The following PDGFRB variants were observed in gnomAD, a reference collection of about 807,000 sequenced individuals.
PDGFRB encodes platelet derived growth factor receptor beta.
Under a neutral mutation model 120.2 loss-of-function variants are expected in PDGFRB, and 42 were observed. The observed-to-expected ratio is 0.35, with a 90% CI of 0.27 to 0.45. The LOEUF (loss-of-function observed/expected upper bound fraction) is 0.45, where lower values mean the gene tolerates loss of function less well. Among genes scored for constraint, PDGFRB ranks in the 20% least tolerant of loss-of-function variants. PDGFRB has a pLI of 1.00. For synonymous variants in PDGFRB, 586 were observed against 606.8 expected, an observed-to-expected ratio of 0.97 and a Z score of 0.50; for missense variants, 1,149 against 1,476.3, an observed-to-expected ratio of 0.78 and a Z score of 3.63.
At chr5:150,143,380 G>A (rs1055652514) in intron 1 of PDGFRB, among the ~76,000 whole-genome samples, 7 of 152,160 alleles carry the variant, frequency 4.6e-5, no homozygotes, top group African/African-American at 1.7e-4. Flanking sequence ...AGCACTTTCA[G>A]GGCTGACATG....
In PDGFRB at chr5:150,121,329, GA is replaced by G; in HGVS notation, c.2345-8del. 1 of 1,288,776 alleles carries G rather than the reference GA, an allele frequency of 7.8e-7. No homozygotes were observed. Among genetic ancestry groups the G allele is most frequent in the Non-Finnish European group, 1.1e-6 (1 of 882,658 alleles). 79.8% of individuals were successfully genotyped at this position (1,288,776 alleles called of 1,614,324 possible). A position where few individuals can be genotyped will look rare whatever the true frequency, so the allele number is the denominator to read the frequency against. Reference sequence around the variant, plus strand: ...CGGCAGGTCCTCTCAGGGGCTAGAGGAGAAGCAGAGGGTCACCTGCTATCTT... The same window carrying G: ...CGGCAGGTCCTCTCAGGGGCTAGAGGGAAGCAGAGGGTCACCTGCTATCTT... On this transcript the variant is annotated splice_region_variant and splice_polypyrimidine_tract_variant and intron_variant, in intron 16 of 22. Transcript: ENST00000261799. The surrounding 1 kb of genome is among the most constrained non-coding windows in gnomAD (Gnocchi z 4.1).
chr5:150,150,878 T>C (rs762614496), intron 1 of PDGFRB, among the ~76,000 whole-genome samples: 1 of 152,102 alleles, frequency 6.6e-6, no homozygotes, highest in Non-Finnish European at 1.5e-5. Flanking sequence ...AACGCAGCAC[T>C]GGAAGAGACC....
chr5:150,122,942 C>A, intron 15 of PDGFRB, 100 bp downstream of exon 15: 1 of 1,052,846 alleles, frequency 9.5e-7, no homozygotes, highest in Non-Finnish European at 1.4e-6. Context: ...TGTCCCCTGC[C>A]CTGTCACAGC....
chr5:150,144,213 T>C (rs10066011), intron 1 of PDGFRB, among the ~76,000 whole-genome samples: 19,259 of 152,054 alleles, frequency 0.13, 1,367 homozygotes, highest in East Asian at 0.27. Flanking sequence ...CTCCACCTGT[T>C]CTCACACCCC....
Position 150,117,792 on chromosome 5 carries a change from G to A in PDGFRB, c.2963C>T (p.Ser988Phe), listed in dbSNP as rs2113884213. Residue 988 changes from serine (S) to phenylalanine (F), a missense_variant, in exon 22 of 23, where the codon TCC (serine) becomes TTC (phenylalanine). Ser to Phe is a radical substitution (Grantham distance 155). Coordinates refer to ENST00000261799, the MANE Select transcript of PDGFRB (RefSeq NM_002609.4). ...ATGGAACCCAGGCAAGCGGGCCTGG[G>A]ACCGAAGGATGGCTGGGTGGTCACT... ...LRSDHPAILR[S>F]QARLPGFHGL... 1 of 1,613,916 alleles carries A rather than the reference G, an allele frequency of 6.2e-7. No individual in the cohort carries two copies.
intron 1 of PDGFRB, among the ~76,000 whole-genome samples, chr5:150,151,429 G>A (rs556274148): frequency 1.3e-3 from 191 of 152,278 alleles, no homozygotes; most frequent in African/African-American, 4.3e-3. Flanking sequence ...GGATCCCCAG[G>A]GGCATCCCAG....
In PDGFRB at chr5:150,129,821, C is replaced by T. The variant is rs756863213; in HGVS notation, c.1515G>A (p.Ser505=). The change falls in exon 10 of 23, where the codon TCG becomes TCA. Residue 505 remains serine, a synonymous_variant. Coordinates refer to ENST00000261799, the MANE Select transcript of PDGFRB (RefSeq NM_002609.4). Reference sequence around the variant, plus strand: ...CAGCGTTGCGCAGCGTGCAGCGCACCGACAGTGGCCGATCCACGTGCTGCA... The same window carrying T: ...CAGCGTTGCGCAGCGTGCAGCGCACTGACAGTGGCCGATCCACGTGCTGCA... ...LRLQHVDRPL[S]VRCTLRNAVG... is the part of the protein sequence containing the mutation. 21 of 1,613,960 alleles carry T rather than the reference C, an allele frequency of 1.3e-5. No homozygotes were observed. Among genetic ancestry groups the T allele is most frequent in the African/African-American group, 9.3e-5 (7 of 74,952 alleles).
Position 150,137,036 on chromosome 5 carries a change from C to T in PDGFRB, c.12G>A (p.Pro4=), listed in dbSNP as rs138641101. Residue 4 remains proline (P), a synonymous_variant, in exon 2 of 23, where the codon CCG becomes CCA. Transcript: ENST00000261799. The part of the protein sequence containing the change: MRL[P]GAMPALALKG... ...TGAGGGCCAGAGCTGGCATCGCACC[C>T]GGAAGCCGCATGGTGTCCTGCAGAG... 379 of 1,613,670 alleles carry T rather than the reference C, an allele frequency of 2.3e-4. 1 individual carries two copies. In the African/African-American group the frequency reaches 4.4e-3, roughly 19 times the overall value.
chr5:150,151,861 C>CAA lies in PDGFRB; in HGVS notation c.-7+3534_-7+3535dup, dbSNP rs57873398. On this transcript the variant is annotated intron_variant, in intron 1 of 22. Transcript: ENST00000261799. ...TGGGCAACAGAGTGAGACTCCATCT[C>CAA]AAAAAAAAAAAAAAAAAAAAGTGGG... Among the ~76,000 whole-genome samples the CAA allele has an allele frequency of 4.0e-3, 301 of 74,338 alleles. 2 individuals are homozygous for CAA. The highest frequency in any genetic ancestry group is 0.011 in the African/African-American group (275 of 24,662). The allele number at this position is 74,338 out of a possible 152,430, so 48.8% of individuals were successfully genotyped here.
intron 1 of PDGFRB, among the ~76,000 whole-genome samples, chr5:150,138,554 C>T (rs1760699384): frequency 6.6e-6 from 1 of 152,218 alleles, no homozygotes; most frequent in Non-Finnish European, 1.5e-5. Context: ...AGCTCTTCTC[C>T]TCCCTCCTCC....
In PDGFRB at chr5:150,133,678, G is replaced by A. The variant is rs776497082; in HGVS notation, c.842C>T (p.Ala281Val). The change falls in exon 6 of 23, where the codon GCC becomes GTC. Residue 281 changes from alanine to valine, a missense_variant. By Grantham distance (64) the Ala-to-Val change is moderately conservative. Transcript: ENST00000261799. ...HIRSILHIPS[A>V]ELEDSGTYTC... ...GTAGGTCCCCGAGTCTTCTAACTCGGCACTGGGGATGTGCAGGATGGAGCG... is the reference window on the plus strand; with the variant it reads ...GTAGGTCCCCGAGTCTTCTAACTCGACACTGGGGATGTGCAGGATGGAGCG... 6.2e-7 allele frequency: 1 copy of A among 1,613,602 alleles called. No individual in the cohort carries two copies. The highest frequency in any genetic ancestry group is 8.5e-7 in the Non-Finnish European group (1 of 1,179,738).
intron 1 of PDGFRB, among the ~76,000 whole-genome samples, chr5:150,153,221 C>T (rs760217027): frequency 3.3e-5 from 5 of 152,194 alleles, no homozygotes; most frequent in Admixed American, 6.5e-5. Context: ...CTCTTCTTCC[C>T]GCAGAGGAGG....
At chr5:150,133,788 C>A (rs1411759499) in intron 5 of PDGFRB, 28 bp from the exon 6 acceptor site, 3 of 1,612,712 alleles carry the variant, frequency 1.9e-6, no homozygotes, top group Admixed American at 3.3e-5. Context: ...GCAGGCCCCC[C>A]AAATCAGGAG....
intron 4 of PDGFRB, among the ~76,000 whole-genome samples, chr5:150,134,381 G>T (rs1305145306): frequency 6.6e-6 from 1 of 152,180 alleles, no homozygotes; most frequent in East Asian, 1.9e-4. Flanking sequence ...GGCAGCCATT[G>T]TTATCCCCAC....
intron 22 of PDGFRB, 76 bp downstream of exon 22, chr5:150,117,542 G>GTGCGCA (rs1554107288): frequency 2.2e-6 from 1 of 461,974 alleles, no homozygotes; most frequent in South Asian, 2.9e-5. Context: ...GCGCGCGCGC[G>GTGCGCA]CGCACACACA....
intron 22 of PDGFRB, 78 bp from the exon 23 acceptor site, chr5:150,116,024 G>T: frequency 1.5e-6 from 2 of 1,311,296 alleles, no homozygotes; most frequent in Non-Finnish European, 2.1e-6. Flanking sequence ...AGAGCCTTCG[G>T]TGTGTCCACC....
rs747341080 is a variant in PDGFRB at position 150,120,185 on chromosome 5, G to A, written c.2587-62C>T. On this transcript the variant is annotated intron_variant, in intron 18 of 22. Coordinates refer to ENST00000261799, the MANE Select transcript of PDGFRB (RefSeq NM_002609.4). This position sits in a 1 kb window ranked among gnomAD's most constrained non-coding sequence, Gnocchi z 4.3. ...AGGACCTCAGCCCCACTCTGCACCT[G>A]GGATGGGAGGAGGGTATCTGGCAGC... is the stretch of plus-strand genomic sequence containing the variant. 4 of 782,878 alleles carry A rather than the reference G, an allele frequency of 5.1e-6. No homozygotes were observed. The highest frequency in any genetic ancestry group is 9.4e-6 in the Non-Finnish European group (4 of 426,140). The allele number at this position is 782,878 out of a possible 1,614,324, so 48.5% of individuals were successfully genotyped here. A position where few individuals can be genotyped will look rare whatever the true frequency, so the allele number is the denominator to read the frequency against.
intron 1 of PDGFRB, among the ~76,000 whole-genome samples, chr5:150,142,415 G>A (rs1441172838): frequency 1.3e-5 from 2 of 152,234 alleles, no homozygotes; most frequent in African/African-American, 4.8e-5. Context: ...AGCCCAGCCA[G>A]GCAGGGATTG....
At position 150,135,480 on chromosome 5, in the gene PDGFRB, ACT is replaced by A. The variant is rs566739771; in HGVS notation, c.364+73_364+74del. On this transcript the variant is annotated intron_variant, in intron 3 of 22. Transcript: ENST00000261799. ...GCTGCATTTCACAATAAACTAAAGC[ACT>A]CTCTGGACTTCCCCTGATGCCTCCA... 3.3e-5 allele frequency: 30 copies of A among 914,932 alleles called. No homozygotes were observed. In the South Asian group the frequency reaches 3.3e-4, roughly 10 times the overall value. 56.7% of individuals were successfully genotyped at this position (914,932 alleles called of 1,614,324 possible).
Sources: gnomAD v4.1 joint callset for allele counts (sites outside exome capture counted in the v4.1 genomes callset) on GRCh38, gnomAD v4.1.1 for gene constraint, Gnocchi (gnomAD v3.1) non-coding constraint, MANE v1.5 for transcripts, NCBI Gene and HGNC (gene_info 2026-07-23, HGNC 2026-07-21) for gene names.